Variants in SETBP1 observed in about 807,000 individuals in gnomAD.
SETBP1 encodes the protein SET-binding protein.
In SETBP1, 9 loss-of-function variants were observed where a neutral mutation model predicts 101.0. That is an observed-to-expected ratio of 0.09 (90% confidence interval 0.05 to 0.16). The LOEUF is 0.16. SETBP1 is among the 10% of genes least tolerant of loss of function. The pLI is 1.00. For missense variants in SETBP1, 1,858 were observed against 2,033.8 expected (o/e 0.91, Z 1.66); for synonymous variants, 818 against 788.5 (o/e 1.04, Z -0.63).
Position 44,952,688 on chromosome 18 carries a change from C to A in SETBP1, c.3348C>A (p.His1116Gln). ...AAKHKAKHGV[H>Q]LQGPVSMGLG... The stretch of plus-strand genomic sequence containing the variant: ...AGCATAAAGCCAAGCATGGAGTACA[C>A]CTGCAGGGACCTGTTAGCATGGGCC... The change falls in exon 4 of 6, where the codon CAC (histidine) becomes CAA (glutamine). Residue 1116 changes from histidine to glutamine, a missense_variant. His to Gln is a conservative substitution (Grantham distance 24). This residue lies in a region of SETBP1 where 417 missense variants were observed against 389.1 expected (regional missense o/e 1.07). Transcript: ENST00000649279. 6.2e-7 allele frequency: 1 copy of A among 1,614,134 alleles called. No individual in the cohort carries two copies. The highest frequency in any genetic ancestry group is 8.5e-7 in the Non-Finnish European group (1 of 1,180,024).
chr18:45,036,359 G>T (rs961234825), intron 4 of SETBP1, among the ~76,000 whole-genome samples: 1 of 149,956 alleles, frequency 6.7e-6, no homozygotes, highest in Non-Finnish European at 1.5e-5. Flanking sequence ...AGGCTAAGAA[G>T]TAAAAACACT....
intron 4 of SETBP1, among the ~76,000 whole-genome samples, chr18:44,990,245 G>A (rs368600427): frequency 3.0e-4 from 45 of 152,194 alleles, no homozygotes; most frequent in Admixed American, 1.6e-3. Flanking sequence ...GGAGATGTGA[G>A]AAGGTATAGT....
intron 2 of SETBP1, among the ~76,000 whole-genome samples, chr18:44,799,659 G>T (rs1004088978): frequency 6.6e-6 from 1 of 152,146 alleles, no homozygotes; most frequent in African/African-American, 2.4e-5. Context: ...GTGTAGGTTT[G>T]CTGGGGATGC....
At chr18:45,014,391 T>C (rs1466140294) in intron 4 of SETBP1, among the ~76,000 whole-genome samples, 2 of 152,198 alleles carry the variant, frequency 1.3e-5, no homozygotes, top group African/African-American at 4.8e-5. Context: ...CAGGGCACAT[T>C]CCCCAGCAAG....
chr18:44,875,455 T>C (rs1217240676), intron 3 of SETBP1, among the ~76,000 whole-genome samples: 1 of 138,948 alleles, frequency 7.2e-6, no homozygotes, highest in African/African-American at 2.7e-5. Context: ...AAGGAGGAGG[T>C]TGCCGAGATC....
At chr18:44,983,450 G>A (rs780126899) in intron 4 of SETBP1, among the ~76,000 whole-genome samples, 1 of 152,196 alleles carries the variant, frequency 6.6e-6, no homozygotes, top group Non-Finnish European at 1.5e-5. Context: ...CATGAGGCAT[G>A]GAGTGAAGAA....
At chr18:44,694,124 A>G (rs1012929961) in intron 1 of SETBP1, among the ~76,000 whole-genome samples, 1 of 152,184 alleles carries the variant, frequency 6.6e-6, no homozygotes, top group African/African-American at 2.4e-5. Context: ...TAGTAGATGG[A>G]TGTTTACTCT....
At chr18:44,802,848 C>A (rs188443314) in intron 2 of SETBP1, among the ~76,000 whole-genome samples, 1 of 152,102 alleles carries the variant, frequency 6.6e-6, no homozygotes, top group African/African-American at 2.4e-5. Flanking sequence ...GGGGTATGCA[C>A]GTCGGTAACC....
rs529110978 is a variant in SETBP1 at position 44,882,976 on chromosome 18, C to T, written c.540+13693C>T. Among the ~76,000 whole-genome samples, 5 of 152,204 alleles carry T rather than the reference C, an allele frequency of 3.3e-5. No homozygotes were observed. In the South Asian group the frequency reaches 1.0e-3, roughly 32 times the overall value. On this transcript the variant is annotated intron_variant, in intron 3 of 5. Coordinates refer to ENST00000649279, the MANE Select transcript of SETBP1 (RefSeq NM_015559.3). ...GCTTGTCTCCTGCACACACTGGGGACAGGAAAGACTCTCAGAAATCATGAG... is the reference window on the plus strand; with the variant it reads ...GCTTGTCTCCTGCACACACTGGGGATAGGAAAGACTCTCAGAAATCATGAG...
intron 2 of SETBP1, among the ~76,000 whole-genome samples, chr18:44,827,087 A>G (rs930260687): frequency 6.6e-6 from 1 of 152,224 alleles, no homozygotes; most frequent in Non-Finnish European, 1.5e-5. Context: ...TGGTAGCATA[A>G]GCATAGGGCT....
At chr18:44,909,746 G>T (rs1304734161) in intron 3 of SETBP1, among the ~76,000 whole-genome samples, 1 of 152,190 alleles carries the variant, frequency 6.6e-6, no homozygotes, top group African/African-American at 2.4e-5. Flanking sequence ...GCACAGACAG[G>T]TTATGTATTT....
chr18:44,686,232 A>G (rs1233827675), intron 1 of SETBP1, among the ~76,000 whole-genome samples: 1 of 152,214 alleles, frequency 6.6e-6, no homozygotes, highest in Non-Finnish European at 1.5e-5. Context: ...CTTTCTCATG[A>G]GAGCTGGTTT....
Position 44,853,783 on chromosome 18 carries a change from T to G in SETBP1, c.487-15447T>G, listed in dbSNP as rs529289403. 1.2e-4 allele frequency among the ~76,000 whole-genome samples: 19 copies of G among 152,322 alleles called. No homozygotes were observed. In the East Asian group the frequency reaches 2.7e-3, roughly 22 times the overall value. ...TCAGTCTAGTCCTCTTTCTACATTATAAACTGCAGGGGCTCTTCCAACGTG... is the reference window on the plus strand; with the variant it reads ...TCAGTCTAGTCCTCTTTCTACATTAGAAACTGCAGGGGCTCTTCCAACGTG... On this transcript the variant is annotated intron_variant, in intron 2 of 5. Transcript: ENST00000649279.
chr18:44,925,071 A>G (rs1300017468), intron 3 of SETBP1, among the ~76,000 whole-genome samples: 4 of 128,858 alleles, frequency 3.1e-5, no homozygotes, highest in Admixed American at 8.5e-5. Context: ...GGCTCGTTTA[A>G]TGGCTGGGAA....
chr18:44,973,233 G>A (rs1456141767), intron 4 of SETBP1, among the ~76,000 whole-genome samples: 1 of 152,158 alleles, frequency 6.6e-6, no homozygotes, highest in Non-Finnish European at 1.5e-5. Flanking sequence ...AAGCCCACTT[G>A]ATCATGGTGG....
At chr18:44,689,036 T>A (rs2068884308) in intron 1 of SETBP1, among the ~76,000 whole-genome samples, 5 of 152,224 alleles carry the variant, frequency 3.3e-5, no homozygotes, top group Admixed American at 3.3e-4. Flanking sequence ...AAAGCATTCT[T>A]CTGCAGCCAA....
At chr18:44,700,612 C>T (rs2069099293) in intron 1 of SETBP1, among the ~76,000 whole-genome samples, 1 of 152,098 alleles carries the variant, frequency 6.6e-6, no homozygotes. Flanking sequence ...GAGGTCTTTG[C>T]ATAATTGAAA....
upstream of SETBP1, among the ~76,000 whole-genome samples, chr18:44,680,745 C>A (rs945213352): frequency 7.9e-5 from 12 of 152,066 alleles, no homozygotes; most frequent in South Asian, 2.1e-4. Context: ...ATCTACCCCC[C>A]CTCCGCCCCC....
intron 4 of SETBP1, among the ~76,000 whole-genome samples, chr18:45,028,398 T>C (rs2073216642): frequency 1.3e-5 from 2 of 152,088 alleles, no homozygotes; most frequent in Admixed American, 6.6e-5. Context: ...ATTTTCTTAA[T>C]CCAGTCTATC....
Sources: gnomAD v4.1 joint callset for allele counts (sites outside exome capture counted in the v4.1 genomes callset) on GRCh38, gnomAD v4.1.1 for gene constraint, gnomAD v4.1.1 regional missense constraint, MANE v1.5 for transcripts, NCBI Gene and HGNC (gene_info 2026-07-23, HGNC 2026-07-21) for gene names.